Variants in EEFSEC observed in about 807,000 individuals in gnomAD.
EEFSEC encodes the protein selenocysteine-specific elongation factor.
EEFSEC carries 43 observed loss-of-function variants against 42.1 expected under a neutral mutation model. That is an observed-to-expected ratio of 1.02 (90% confidence interval 0.80 to 1.32). EEFSEC has a LOEUF of 1.32. Ranked by LOEUF, EEFSEC falls within the 40% of genes most tolerant of loss-of-function variation. The pLI, the probability that EEFSEC is intolerant of heterozygous loss-of-function variation, is 0.00. For synonymous variants in EEFSEC, 354 were observed against 339.1 expected (o/e 1.04, Z -0.48); for missense variants, 745 against 803.6 (o/e 0.93, Z 0.88).
chr3:128,293,162 C>G (rs2066662254), intron 4 of EEFSEC, among the ~76,000 whole-genome samples: 1 of 152,144 alleles, frequency 6.6e-6, no homozygotes, highest in African/African-American at 2.4e-5. Context: ...TTTCTGTCCT[C>G]TGAAGTTTGT....
At chr3:128,300,701 A>G (rs2108002532) in intron 4 of EEFSEC, among the ~76,000 whole-genome samples, 1 of 152,354 alleles carries the variant, frequency 6.6e-6, no homozygotes, top group African/African-American at 2.4e-5. Context: ...GCTTAAAACA[A>G]CACATACATA....
At chr3:128,390,471 C>T (rs1391825350) in intron 6 of EEFSEC, among the ~76,000 whole-genome samples, 1 of 152,258 alleles carries the variant, frequency 6.6e-6, no homozygotes, top group Non-Finnish European at 1.5e-5. Context: ...GGGGGTGAGA[C>T]AGATGTGAAT....
At chr3:128,373,589 T>C (rs1208197577) in intron 6 of EEFSEC, among the ~76,000 whole-genome samples, 1 of 152,182 alleles carries the variant, frequency 6.6e-6, no homozygotes, top group African/African-American at 2.4e-5. Context: ...TAGCTGGGGC[T>C]CCTGTGACCT....
chr3:128,420,986 G>A, the EEFSEC span, among the ~76,000 whole-genome samples: 1 of 152,298 alleles, frequency 6.6e-6, no homozygotes, highest in East Asian at 1.9e-4. Flanking sequence ...GCCTCACAGA[G>A]GCCTTGCCCA....
chr3:128,316,342 A>C (rs2066944537), intron 4 of EEFSEC, among the ~76,000 whole-genome samples: 1 of 152,192 alleles, frequency 6.6e-6, no homozygotes. Flanking sequence ...AATAAAAAGC[A>C]CAACAGGCTT....
At chr3:128,374,862 C>T (rs556797858) in intron 6 of EEFSEC, among the ~76,000 whole-genome samples, 3 of 152,358 alleles carry the variant, frequency 2.0e-5, no homozygotes, top group African/African-American at 7.2e-5. Context: ...CTCCAAGTCA[C>T]ACAGCTCTTG....
intron 2 of EEFSEC, among the ~76,000 whole-genome samples, chr3:128,255,289 A>G (rs1453778251): frequency 2.0e-5 from 3 of 152,286 alleles, no homozygotes; most frequent in African/African-American, 7.2e-5. Flanking sequence ...GTCAAGGGCC[A>G]TGGAAATAAA....
intron 6 of EEFSEC, among the ~76,000 whole-genome samples, chr3:128,361,481 A>G (rs1576671504): frequency 6.6e-6 from 1 of 152,244 alleles, no homozygotes; most frequent in South Asian, 2.1e-4. Context: ...AGCAACTCGT[A>G]ACTCCTGTTT....
At chr3:128,303,403 A>T (rs1054687529) in intron 4 of EEFSEC, among the ~76,000 whole-genome samples, 9 of 152,132 alleles carry the variant, frequency 5.9e-5, no homozygotes, top group Admixed American at 5.2e-4. Flanking sequence ...AGTCATTTCA[A>T]TTTTTACCTG....
intron 2 of EEFSEC, among the ~76,000 whole-genome samples, chr3:128,251,471 A>G (rs1360200170): frequency 6.6e-6 from 1 of 152,224 alleles, no homozygotes; most frequent in Non-Finnish European, 1.5e-5. Context: ...TTTAAACTAT[A>G]CTTGAAACTT....
rs540133303 is a variant in EEFSEC at position 128,336,736 on chromosome 3, C to T, written c.787-4497C>T. ...ATGAATTAGGTCTCCCAGTTGTTCGCTCTCATACAGCCTCATCCTTTTTTC... is the reference window on the plus strand; with the variant it reads ...ATGAATTAGGTCTCCCAGTTGTTCGTTCTCATACAGCCTCATCCTTTTTTC... On this transcript the variant is annotated intron_variant, in intron 4 of 6. Transcript: ENST00000254730. Among the ~76,000 whole-genome samples, 7 of 152,364 alleles carry T rather than the reference C, an allele frequency of 4.6e-5. No individual in the cohort carries two copies. The South Asian group carries it at 1.0e-3, about 23-fold the overall frequency.
chr3:128,266,387 G>C (rs1319204785), intron 4 of EEFSEC, among the ~76,000 whole-genome samples: 1 of 152,074 alleles, frequency 6.6e-6, no homozygotes, highest in South Asian at 2.1e-4. Flanking sequence ...CTCATCTAGA[G>C]CAGCATGGTT....
chr3:128,415,757 G>A, the EEFSEC span, among the ~76,000 whole-genome samples: 1 of 152,182 alleles, frequency 6.6e-6, no homozygotes, highest in East Asian at 1.9e-4. Context: ...TGTGCCACCC[G>A]AAGGACAGTG....
chr3:128,189,661 G>A (rs190262084), intron 1 of EEFSEC, among the ~76,000 whole-genome samples: 41 of 149,998 alleles, frequency 2.7e-4, no homozygotes, highest in African/African-American at 2.5e-5. Context: ...TGCCTCAAGC[G>A]ATCCTCCCAC....
intron 6 of EEFSEC, among the ~76,000 whole-genome samples, chr3:128,369,293 T>C (rs1294547387): frequency 1.3e-5 from 2 of 152,238 alleles, no homozygotes; most frequent in Admixed American, 6.5e-5. Flanking sequence ...GATATTGTTA[T>C]GTTCCCATAA....
At chr3:128,413,242 AC>A (rs756302621), downstream of EEFSEC, among the ~76,000 whole-genome samples, 22 of 152,056 alleles carry the variant, frequency 1.4e-4, no homozygotes, top group Admixed American at 2.0e-4. Context: ...GAGAGGTGAA[AC>A]TTGAGAGGAG....
intron 1 of EEFSEC, among the ~76,000 whole-genome samples, chr3:128,185,969 G>A (rs1300851617): frequency 6.6e-6 from 1 of 152,132 alleles, no homozygotes; most frequent in African/African-American, 2.4e-5. Context: ...CCCAGGAATT[G>A]CTGGATCATA....
intron 1 of EEFSEC, among the ~76,000 whole-genome samples, chr3:128,170,729 A>C (rs1300292993): frequency 6.6e-6 from 1 of 152,206 alleles, no homozygotes; most frequent in African/African-American, 2.4e-5. Context: ...TTTCCTGGCA[A>C]AGATTTCCTA....
the EEFSEC span, among the ~76,000 whole-genome samples, chr3:128,417,932 C>T: frequency 6.6e-6 from 1 of 152,086 alleles, no homozygotes; most frequent in South Asian, 2.1e-4. This position sits in a 1 kb window ranked among gnomAD's most constrained non-coding sequence, Gnocchi z 4.3. Flanking sequence ...CAGCCCCCAG[C>T]CAGGACCCGG....
Sources: gnomAD v4.1 joint callset for allele counts (sites outside exome capture counted in the v4.1 genomes callset) on GRCh38, gnomAD v4.1.1 for gene constraint, Gnocchi (gnomAD v3.1) non-coding constraint, MANE v1.5 for transcripts, NCBI Gene and HGNC (gene_info 2026-07-23, HGNC 2026-07-21) for gene names.